The following TSPAN9 variants were observed in gnomAD, a reference collection of about 807,000 sequenced individuals.
The protein encoded by TSPAN9 is tetraspanin-9.
A neutral mutation model predicts 31.0 loss-of-function variants in TSPAN9; 16 were observed. The observed-to-expected ratio is 0.52, with a 90% CI of 0.35 to 0.78. The LOEUF (loss-of-function observed/expected upper bound fraction) is 0.78, where lower values mean the gene tolerates loss of function less well. TSPAN9 is among the 30% of genes least tolerant of loss of function. The pLI is 0.01. For missense variants in TSPAN9, 272 were observed against 312.5 expected (o/e 0.87, Z 0.98); for synonymous variants, 145 against 121.6 (o/e 1.19, Z -1.27).
chr12:3,161,930 T>A (rs956542143), intron 2 of TSPAN9, among the ~76,000 whole-genome samples: 3 of 152,234 alleles, frequency 2.0e-5, no homozygotes, highest in African/African-American at 7.2e-5. Flanking sequence ...ATCTTCCCGC[T>A]TCAGCCTTCC....
At chr12:3,130,670 G>A (rs1425262001) in intron 2 of TSPAN9, among the ~76,000 whole-genome samples, 1 of 152,138 alleles carries the variant, frequency 6.6e-6, no homozygotes, top group Non-Finnish European at 1.5e-5. Flanking sequence ...AGTGAGATGG[G>A]GATAATAATA....
intron 3 of TSPAN9, chr12:3,206,458 C>G (rs577755726): frequency 4.0e-5 from 17 of 425,190 alleles, no homozygotes; most frequent in African/African-American, 3.0e-4. Context: ...AGGCCTGCAC[C>G]CAGAGCCCTG....
intron 3 of TSPAN9, among the ~76,000 whole-genome samples, chr12:3,205,073 G>A (rs1352171505): frequency 2.0e-5 from 3 of 151,924 alleles, no homozygotes; most frequent in East Asian, 1.9e-4. Context: ...TCCTGATCCC[G>A]CCCAGCTCTT....
rs1862964114 is a variant in TSPAN9, at chr12:3,284,205, A to G, written c.*1089A>G. The G allele has an allele frequency of 6.5e-6, 1 of 152,688 alleles. No homozygotes were observed. Among genetic ancestry groups the G allele is most frequent in the African/African-American group, 2.4e-5 (1 of 41,478 alleles). 9.5% of individuals were successfully genotyped at this position (152,688 alleles called of 1,614,324 possible). A position where few individuals can be genotyped will look rare whatever the true frequency, so the allele number is the denominator to read the frequency against. ...CAGTTATTTCACAGACATTCCTGCT[A>G]GAAACTGTCAGACAAATACCTCTCT... On this transcript the variant is annotated 3_prime_UTR_variant, in exon 9 of 9. Coordinates refer to ENST00000011898, the MANE Select transcript of TSPAN9 (RefSeq NM_006675.5).
intron 3 of TSPAN9, among the ~76,000 whole-genome samples, chr12:3,211,465 A>G (rs11062574): frequency 0.53 from 81,274 of 151,990 alleles, 22,534 homozygotes; most frequent in Middle Eastern, 0.68. Flanking sequence ...GTTCTTTTGC[A>G]TACATTTCAG....
At chr12:3,078,267 AC>A (rs1038313352) in intron 1 of TSPAN9, among the ~76,000 whole-genome samples, 22 of 151,886 alleles carry the variant, frequency 1.4e-4, no homozygotes, top group Non-Finnish European at 2.8e-4. Context: ...TTACCTGGTA[AC>A]TCTTAGTTCA....
intron 1 of TSPAN9, among the ~76,000 whole-genome samples, chr12:3,080,657 A>G (rs888127360): frequency 5.3e-5 from 8 of 152,206 alleles, no homozygotes; most frequent in African/African-American, 1.9e-4. Context: ...TTAAGTGTAC[A>G]TTTTAACCAT....
intron 3 of TSPAN9, among the ~76,000 whole-genome samples, chr12:3,267,315 C>T (rs867457280): frequency 1.3e-5 from 2 of 152,228 alleles, no homozygotes; most frequent in African/African-American, 4.8e-5. Flanking sequence ...ACAAAGTGCT[C>T]GGCAGGCGGA....
chr12:3,280,731 A>C lies in TSPAN9; in HGVS notation c.432+248A>C, dbSNP rs1195297251. On this transcript the variant is annotated intron_variant, in intron 6 of 8. Coordinates refer to ENST00000011898, the MANE Select transcript of TSPAN9 (RefSeq NM_006675.5). This position sits in a 1 kb window ranked among gnomAD's most constrained non-coding sequence, Gnocchi z 4.5. ...AGAGCTGTGGCTGAGCTTTGGGATG[A>C]ATGACTGAATTTATTTTAGCAACAG... is the stretch of plus-strand genomic sequence containing the variant. Among the ~76,000 whole-genome samples the C allele has an allele frequency of 6.6e-6, 1 of 152,200 alleles. No individual in the cohort carries two copies. The highest frequency in any genetic ancestry group is 2.4e-5 in the African/African-American group (1 of 41,452).
chr12:3,089,878 C>T (rs1324776993), intron 2 of TSPAN9, among the ~76,000 whole-genome samples: 1 of 152,020 alleles, frequency 6.6e-6, no homozygotes, highest in African/African-American at 2.4e-5. Flanking sequence ...TGTACTCCAG[C>T]CTGGGCAACA....
At chr12:3,269,949 A>T (rs1434388598) in intron 3 of TSPAN9, among the ~76,000 whole-genome samples, 1 of 152,144 alleles carries the variant, frequency 6.6e-6, no homozygotes, top group Non-Finnish European at 1.5e-5. Flanking sequence ...CGGCAGCGGG[A>T]ATCGATGTTT....
chr12:3,219,944 C>G (rs2153974826), intron 3 of TSPAN9, among the ~76,000 whole-genome samples: 1 of 151,588 alleles, frequency 6.6e-6, no homozygotes, highest in East Asian at 1.9e-4. Flanking sequence ...CACCTGAGGT[C>G]AGGAGTTCGA....
intron 2 of TSPAN9, among the ~76,000 whole-genome samples, chr12:3,108,531 G>A (rs60772697): frequency 0.039 from 5,901 of 152,242 alleles, 393 homozygotes; most frequent in African/African-American, 0.13. Flanking sequence ...CACACATGAC[G>A]TGATTTAGTG....
At chr12:3,087,278 C>T (rs907116566) in intron 2 of TSPAN9, among the ~76,000 whole-genome samples, 2 of 152,054 alleles carry the variant, frequency 1.3e-5, no homozygotes, top group Admixed American at 6.6e-5. Flanking sequence ...CCAGCACTTT[C>T]GGAGGCCAAG....
At chr12:3,266,223 A>G (rs140281611) in intron 3 of TSPAN9, among the ~76,000 whole-genome samples, 57 of 152,296 alleles carry the variant, frequency 3.7e-4, no homozygotes, top group Non-Finnish European at 6.6e-4. Flanking sequence ...CCCAGATCCC[A>G]GCAGCAGGAG....
At chr12:3,112,599 A>C (rs914746132) in intron 2 of TSPAN9, among the ~76,000 whole-genome samples, 2 of 151,652 alleles carry the variant, frequency 1.3e-5, no homozygotes, top group African/African-American at 4.8e-5. Flanking sequence ...TTTTATTTAA[A>C]AAATTTTTGT....
At chr12:3,228,528 C>T (rs2098389068) in intron 3 of TSPAN9, among the ~76,000 whole-genome samples, 2 of 152,200 alleles carry the variant, frequency 1.3e-5, no homozygotes, top group Non-Finnish European at 2.9e-5. Context: ...TGCTCATGCC[C>T]TCCCCACCCC....
intron 2 of TSPAN9, among the ~76,000 whole-genome samples, chr12:3,169,511 C>A (rs142293074): frequency 3.4e-4 from 52 of 152,336 alleles, no homozygotes; most frequent in African/African-American, 1.2e-3. Flanking sequence ...CCCTACCGCC[C>A]AGAGTGGCCA....
At chr12:3,132,428 A>T (rs997646) in intron 2 of TSPAN9, among the ~76,000 whole-genome samples, 76,911 of 151,730 alleles carry the variant, frequency 0.51, 21,861 homozygotes, top group Admixed American at 0.61. Flanking sequence ...CCTTGCCAAC[A>T]CTTGTTATTT....
Sources: gnomAD v4.1 joint callset for allele counts (sites outside exome capture counted in the v4.1 genomes callset) on GRCh38, gnomAD v4.1.1 for gene constraint, Gnocchi (gnomAD v3.1) non-coding constraint, MANE v1.5 for transcripts, NCBI Gene and HGNC (gene_info 2026-07-23, HGNC 2026-07-21) for gene names.